BRINP3: variants seen among roughly 807,000 people sequenced by gnomAD.
The protein encoded by BRINP3 is BMP/retinoic acid inducible neural specific 3.
Under a neutral mutation model 71.0 loss-of-function variants are expected in BRINP3, and 19 were observed. That is an observed-to-expected ratio of 0.27 (90% CI 0.19 to 0.39). The LOEUF (loss-of-function observed/expected upper bound fraction) is 0.39. Ranked by LOEUF, BRINP3 falls within the 10% of genes least tolerant of loss-of-function variation. BRINP3 has a pLI of 1.00. For synonymous variants in BRINP3, 380 were observed against 337.7 expected, an observed-to-expected ratio of 1.13 and a Z score of -1.37; for missense variants, 959 against 940.8, an observed-to-expected ratio of 1.02 and a Z score of -0.25.
chr1:190,309,645 A>G (rs1448728916), intron 2 of BRINP3, among the ~76,000 whole-genome samples: 1 of 151,794 alleles, frequency 6.6e-6, no homozygotes, highest in African/African-American at 2.4e-5. Flanking sequence ...GAACCCTAAG[A>G]AAATTCACAC....
intron 2 of BRINP3, among the ~76,000 whole-genome samples, chr1:190,382,174 A>G (rs1250294976): frequency 7.8e-6 from 1 of 128,168 alleles, no homozygotes; most frequent in Non-Finnish European, 1.8e-5. Context: ...CATGAAATAC[A>G]AAATCAGAAA....
intron 1 of BRINP3, among the ~76,000 whole-genome samples, chr1:190,470,279 A>G (rs890629478): frequency 2.0e-5 from 3 of 151,138 alleles, no homozygotes; most frequent in African/African-American, 7.2e-5. Context: ...TTCACAATAA[A>G]TCTATAATGG....
At chr1:190,259,747 A>C (rs953303438) in intron 4 of BRINP3, among the ~76,000 whole-genome samples, 3 of 152,036 alleles carry the variant, frequency 2.0e-5, no homozygotes, top group African/African-American at 7.2e-5. Context: ...GTCTCAAAGA[A>C]GGCCAGGCAT....
At chr1:190,153,503 T>C (rs1416345153) in intron 7 of BRINP3, among the ~76,000 whole-genome samples, 4 of 152,104 alleles carry the variant, frequency 2.6e-5, no homozygotes, top group Non-Finnish European at 5.9e-5. Context: ...TCATTATTAC[T>C]GAGTATGTGC....
intron 6 of BRINP3, among the ~76,000 whole-genome samples, chr1:190,189,679 T>C (rs1244098692): frequency 6.6e-6 from 1 of 152,122 alleles, no homozygotes; most frequent in African/African-American, 2.4e-5. Context: ...ATTTTTTTTA[T>C]CTAGATTCTC....
At chr1:190,383,866 T>G (rs1237966641) in intron 2 of BRINP3, among the ~76,000 whole-genome samples, 1 of 152,146 alleles carries the variant, frequency 6.6e-6, no homozygotes, top group East Asian at 1.9e-4. Flanking sequence ...TAAATGTTAT[T>G]GATTATTAAG....
chr1:190,455,820 A>T (rs562079910), intron 1 of BRINP3, among the ~76,000 whole-genome samples: 13 of 152,320 alleles, frequency 8.5e-5, no homozygotes, highest in Admixed American at 3.9e-4. Flanking sequence ...AATCATTCAA[A>T]AAAAAGTAAT....
At chr1:190,387,509 A>G (rs777516815) in intron 2 of BRINP3, among the ~76,000 whole-genome samples, 2 of 151,922 alleles carry the variant, frequency 1.3e-5, no homozygotes, top group Non-Finnish European at 2.9e-5. Context: ...CAGGAAGGCA[A>G]TGAAAACTAG....
chr1:190,196,207 T>G (rs1399569282), intron 6 of BRINP3, among the ~76,000 whole-genome samples: 1 of 152,158 alleles, frequency 6.6e-6, no homozygotes, highest in Non-Finnish European at 1.5e-5. Context: ...ACATTAGATT[T>G]AGTTCCTTTA....
chr1:190,352,606 G>C (rs1350803268), intron 2 of BRINP3, among the ~76,000 whole-genome samples: 1 of 151,766 alleles, frequency 6.6e-6, no homozygotes, highest in African/African-American at 2.4e-5. Flanking sequence ...GAATTAAAAG[G>C]ATGCAGAATG....
At chr1:190,286,602 C>T (rs1004959190) in intron 2 of BRINP3, among the ~76,000 whole-genome samples, 2 of 152,054 alleles carry the variant, frequency 1.3e-5, no homozygotes, top group African/African-American at 4.8e-5. Flanking sequence ...CTGTTAATTT[C>T]CATTAAATGA....
chr1:190,178,029 C>T (rs989099833), intron 6 of BRINP3, among the ~76,000 whole-genome samples: 1 of 152,034 alleles, frequency 6.6e-6, no homozygotes, highest in African/African-American at 2.4e-5. Flanking sequence ...GGATTTGTGT[C>T]AGATATATGC....
At chr1:190,394,152 T>C (rs373309525) in intron 2 of BRINP3, among the ~76,000 whole-genome samples, 1 of 151,558 alleles carries the variant, frequency 6.6e-6, no homozygotes, top group African/African-American at 2.4e-5. Context: ...AAAGTCCAAG[T>C]TAAACCAGGA....
At chr1:190,417,027 C>G (rs1558267900) in intron 2 of BRINP3, among the ~76,000 whole-genome samples, 1 of 152,102 alleles carries the variant, frequency 6.6e-6, no homozygotes, top group Non-Finnish European at 1.5e-5. Context: ...ACTTCAGAAA[C>G]TAAAATTAGT....
chr1:190,424,386 T>A (rs1179997840), intron 2 of BRINP3, among the ~76,000 whole-genome samples: 1 of 151,664 alleles, frequency 6.6e-6, no homozygotes, highest in Admixed American at 6.6e-5. Flanking sequence ...AACAACCTGA[T>A]GTTGACAGAG....
intron 2 of BRINP3, among the ~76,000 whole-genome samples, chr1:190,349,687 A>G (rs1020591807): frequency 3.3e-5 from 5 of 152,130 alleles, no homozygotes; most frequent in African/African-American, 1.2e-4. Context: ...CACATAACCT[A>G]CAGAAGCATG....
At chr1:190,307,251 A>G (rs1665171152) in intron 2 of BRINP3, among the ~76,000 whole-genome samples, 1 of 144,348 alleles carries the variant, frequency 6.9e-6, no homozygotes, top group Non-Finnish European at 1.5e-5. Flanking sequence ...TCCTCATTTA[A>G]AACATTGTTT....
chr1:190,224,762 A>C (rs1657188506), intron 6 of BRINP3, among the ~76,000 whole-genome samples: 1 of 152,058 alleles, frequency 6.6e-6, no homozygotes, highest in African/African-American at 2.4e-5. Flanking sequence ...AGAATACATA[A>C]GGAGCTCAAA....
chr1:190,355,534 C>A (rs897027661), intron 2 of BRINP3, among the ~76,000 whole-genome samples: 1 of 151,888 alleles, frequency 6.6e-6, no homozygotes, highest in Non-Finnish European at 1.5e-5. Context: ...CTGCTATAAA[C>A]CTGTTTCCCC....
Sources: allele counts gnomAD v4.1 joint callset (sites outside exome capture counted in the v4.1 genomes callset), GRCh38; gene constraint gnomAD v4.1.1; transcripts MANE v1.5; gene names NCBI Gene and HGNC (gene_info 2026-07-23, HGNC 2026-07-21).